The following ABLIM3 variants were observed in gnomAD, a reference collection of about 807,000 sequenced individuals.
The protein encoded by ABLIM3 is actin-binding LIM protein 3.
Under a neutral mutation model 109.5 loss-of-function variants are expected in ABLIM3, and 61 were observed. The observed-to-expected ratio is 0.56, with a 90% CI of 0.45 to 0.69. The LOEUF is 0.69. ABLIM3 is among the 30% of genes least tolerant of loss of function. The pLI is 0.00. For synonymous variants in ABLIM3, 300 were observed against 324.8 expected (o/e 0.92, Z 0.82); for missense variants, 796 against 889.5 (o/e 0.89, Z 1.34).
At chr5:149,179,923 A>G (rs937557691) in intron 2 of ABLIM3, among the ~76,000 whole-genome samples, 1 of 152,362 alleles carries the variant, frequency 6.6e-6, no homozygotes, top group East Asian at 1.9e-4. Flanking sequence ...TCTAGTGGAT[A>G]GCACTAAGGG....
chr5:149,177,756 G>C (rs1357477526), intron 2 of ABLIM3, among the ~76,000 whole-genome samples: 1 of 152,222 alleles, frequency 6.6e-6, no homozygotes, highest in Non-Finnish European at 1.5e-5. Context: ...TGATAGGGGT[G>C]ATTTAGAAAG....
At chr5:149,143,546 G>GA (rs1000176739) in intron 2 of ABLIM3, among the ~76,000 whole-genome samples, 54 of 139,140 alleles carry the variant, frequency 3.9e-4, no homozygotes, top group Admixed American at 1.3e-3. Flanking sequence ...GCATGGAAGA[G>GA]AAAAAAAAAA....
At chr5:149,226,025 T>TCA (rs1486923139) in intron 8 of ABLIM3, among the ~76,000 whole-genome samples, 11 of 130,730 alleles carry the variant, frequency 8.4e-5, no homozygotes, top group African/African-American at 3.2e-4. Context: ...TATATATATA[T>TCA]ATCACAGTTT....
chr5:149,199,955 T>A (rs1014164783), intron 4 of ABLIM3, among the ~76,000 whole-genome samples: 1 of 152,190 alleles, frequency 6.6e-6, no homozygotes, highest in Non-Finnish European at 1.5e-5. Flanking sequence ...AGTTTGTGAG[T>A]TGAATGAATT....
chr5:149,189,739 C>T (rs1486466783), intron 3 of ABLIM3, among the ~76,000 whole-genome samples: 1 of 152,184 alleles, frequency 6.6e-6, no homozygotes, highest in African/African-American at 2.4e-5. Flanking sequence ...TTAGAACTCT[C>T]ATACATTGCT....
At position 149,247,726 on chromosome 5, in the gene ABLIM3, A is replaced by G. The variant is rs73275743; in HGVS notation, c.1552-56A>G. 1.0e-3 allele frequency: 1,609 copies of G among 1,612,516 alleles called. 16 individuals carry two copies. In the African/African-American group the frequency reaches 0.019, roughly 19 times the overall value. ...CCTCAGCCTTGCCCAAGCCCGTTCC[A>G]TCTCAGTGTCCTTTGTTTTCCTTCT... On this transcript the variant is annotated intron_variant, in intron 17 of 23. Transcript: ENST00000309868.
intron 8 of ABLIM3, among the ~76,000 whole-genome samples, chr5:149,225,924 CATATATAT>C (rs1242776430): frequency 2.6e-5 from 1 of 38,666 alleles, no homozygotes; most frequent in South Asian, 1.1e-3. Context: ...ATCATATATA[CATATATAT>C]ATATATATGT....
chr5:149,242,646 G>A, intron 15 of ABLIM3, 108 bp downstream of exon 15: 2 of 1,196,842 alleles, frequency 1.7e-6, no homozygotes, highest in Non-Finnish European at 2.5e-6. Flanking sequence ...ACACAAGGCT[G>A]CATCTTGGTC....
chr5:149,240,025 C>G, intron 13 of ABLIM3, 137 bp downstream of exon 13: 1 of 1,260,842 alleles, frequency 7.9e-7, no homozygotes, highest in Non-Finnish European at 1.0e-6. Flanking sequence ...CTATGGCCAC[C>G]CAGGTGACCA....
intron 2 of ABLIM3, among the ~76,000 whole-genome samples, chr5:149,175,055 T>C (rs1755799975): frequency 1.3e-5 from 2 of 152,160 alleles, no homozygotes; most frequent in Admixed American, 6.5e-5. Context: ...GACTCAGCAG[T>C]GACAAGAGAG....
At chr5:149,210,977 T>C (rs769909768) in intron 7 of ABLIM3, among the ~76,000 whole-genome samples, 158 bp downstream of exon 7, 2 of 152,082 alleles carry the variant, frequency 1.3e-5, no homozygotes, top group Non-Finnish European at 2.9e-5. Flanking sequence ...ATAACCTTGC[T>C]GAGATCTCTG....
chr5:149,194,584 T>C (rs1047359317), intron 3 of ABLIM3, among the ~76,000 whole-genome samples: 6 of 152,246 alleles, frequency 3.9e-5, no homozygotes, highest in African/African-American at 1.2e-4. Context: ...GGCAGTGGAA[T>C]ACAGCACAGC....
At chr5:149,159,293 G>T (rs1042089934) in intron 2 of ABLIM3, among the ~76,000 whole-genome samples, 9 of 152,176 alleles carry the variant, frequency 5.9e-5, no homozygotes, top group African/African-American at 2.2e-4. Flanking sequence ...CATACTGTAT[G>T]ATTCCATTTA....
intron 5 of ABLIM3, among the ~76,000 whole-genome samples, chr5:149,201,195 T>C (rs1425567519): frequency 7.5e-6 from 1 of 133,816 alleles, no homozygotes; most frequent in Non-Finnish European, 1.7e-5. Context: ...GATATCTAAA[T>C]CACTGTTCCC....
At chr5:149,191,117 C>T (rs1477523324) in intron 3 of ABLIM3, among the ~76,000 whole-genome samples, 4 of 152,018 alleles carry the variant, frequency 2.6e-5, no homozygotes, top group East Asian at 1.9e-4. Flanking sequence ...AAAGAAAAAA[C>T]GCACAGTGGA....
chr5:149,252,681 C>T, intron 22 of ABLIM3, 76 bp from the exon 23 acceptor site: 1 of 1,110,384 alleles, frequency 9.0e-7, no homozygotes, highest in African/African-American at 1.5e-5. Context: ...ACAGAGAGCC[C>T]AGACACAAAA....
chr5:149,239,338 C>T, intron 12 of ABLIM3, 61 bp downstream of exon 12: 3 of 1,564,586 alleles, frequency 1.9e-6, no homozygotes, highest in Non-Finnish European at 1.8e-6. Context: ...GTGGACTTCA[C>T]CCATCCCCAG....
At chr5:149,242,654 G>T in intron 15 of ABLIM3, 116 bp downstream of exon 15, 2 of 1,134,040 alleles carry the variant, frequency 1.8e-6, no homozygotes, top group Non-Finnish European at 2.7e-6. Flanking sequence ...CTGCATCTTG[G>T]TCCTTCTTGT....
chr5:149,234,454 A>G (rs1762158917), intron 10 of ABLIM3, among the ~76,000 whole-genome samples: 1 of 152,192 alleles, frequency 6.6e-6, no homozygotes, highest in Non-Finnish European at 1.5e-5. Context: ...GGCCCTGTCC[A>G]CTACTGCCAG....
Sources: gnomAD v4.1 joint callset for allele counts (sites outside exome capture counted in the v4.1 genomes callset) on GRCh38, gnomAD v4.1.1 for gene constraint, MANE v1.5 for transcripts, NCBI Gene and HGNC (gene_info 2026-07-23, HGNC 2026-07-21) for gene names.